Variants in DLC1 observed in about 807,000 individuals in gnomAD.
DLC1 encodes DLC1 Rho GTPase activating protein, also known as rho GTPase-activating protein 7.
Under a neutral mutation model 140.3 loss-of-function variants are expected in DLC1, and 54 were observed. The observed-to-expected ratio is 0.38, with a 90% CI of 0.31 to 0.48. DLC1 has a LOEUF of 0.48. Among genes scored for constraint, DLC1 ranks in the 20% least tolerant of loss-of-function variants. The pLI, the probability that DLC1 is intolerant of heterozygous loss-of-function variation, is 0.96. For missense variants in DLC1, 2,536 were observed against 1,907.0 expected (o/e 1.33, Z -6.14); for synonymous variants, 986 against 728.1 (o/e 1.35, Z -5.70).
chr8:13,588,456 T>G (rs1233477091), intron 1 of DLC1, among the ~76,000 whole-genome samples: 2 of 151,978 alleles, frequency 1.3e-5, no homozygotes, highest in African/African-American at 4.8e-5. Context: ...GATAAAAACT[T>G]AGGAGGCAGC....
At chr8:13,491,275 C>T (rs539213218) in intron 2 of DLC1, among the ~76,000 whole-genome samples, 2 of 151,858 alleles carry the variant, frequency 1.3e-5, no homozygotes, top group Non-Finnish European at 2.9e-5. Context: ...ATTTGTCTTT[C>T]AATCTCTTAT....
chr8:13,138,739 T>G (rs1192851415), intron 5 of DLC1, among the ~76,000 whole-genome samples: 1 of 152,310 alleles, frequency 6.6e-6, no homozygotes, highest in Non-Finnish European at 1.5e-5. Flanking sequence ...CCAATCTGGG[T>G]TCTCCCCCTA....
chr8:13,549,529 A>G (rs1803774138), intron 1 of DLC1, among the ~76,000 whole-genome samples: 1 of 152,174 alleles, frequency 6.6e-6, no homozygotes, highest in Admixed American at 6.6e-5. Context: ...ACACAGAAAC[A>G]TTGCTGTGTA....
rs955417377 is a variant in DLC1, at chr8:13,121,860, C to T, written c.1349-6203G>A. Among the ~76,000 whole-genome samples, 3 of 152,080 alleles carry T rather than the reference C, an allele frequency of 2.0e-5. 1 individual carries two copies. The highest frequency in any genetic ancestry group is 2.0e-4 in the Admixed American group (3 of 15,260). ...GAACCACCCGTGCCTGGCCAGGGAG[C>T]TTTTTAAAAACACCGACCATCCCCT... On this transcript the variant is annotated intron_variant, in intron 5 of 17. Coordinates refer to ENST00000276297, the MANE Select transcript of DLC1 (RefSeq NM_182643.3).
intron 1 of DLC1, chr8:13,558,469 T>G (rs1213726729): frequency 6.6e-6 from 1 of 152,194 alleles, no homozygotes; most frequent in Non-Finnish European, 1.5e-5. Flanking sequence ...ATTTTTTCAT[T>G]TAAAAATTTA....
intron 1 of DLC1, among the ~76,000 whole-genome samples, chr8:13,596,381 C>A (rs1397005639): frequency 2.0e-5 from 3 of 151,970 alleles, no homozygotes; most frequent in African/African-American, 7.2e-5. Flanking sequence ...CTTGAAGAAA[C>A]AGACTTCAGC....
intron 4 of DLC1, among the ~76,000 whole-genome samples, chr8:13,371,692 C>T (rs1021683726): frequency 2.6e-5 from 4 of 151,968 alleles, no homozygotes; most frequent in African/African-American, 9.7e-5. Context: ...TTGTGTAACA[C>T]CTTCAGCTAA....
At chr8:13,471,203 A>T (rs566415685) in intron 2 of DLC1, among the ~76,000 whole-genome samples, 1 of 151,784 alleles carries the variant, frequency 6.6e-6, no homozygotes, top group South Asian at 2.1e-4. Context: ...ATTAGTCTGG[A>T]TGGATACTAT....
At chr8:13,133,077 G>A (rs1822258127) in intron 5 of DLC1, 2 of 1,535,286 alleles carry the variant, frequency 1.3e-6, no homozygotes, top group Admixed American at 2.0e-5. Context: ...CACCCGAGAC[G>A]CGCGCCCTCG....
At chr8:13,120,356 A>AAAAAAAAAAAAAATATATATATATATAT in intron 5 of DLC1, among the ~76,000 whole-genome samples, 4 of 61,130 alleles carry the variant, frequency 6.5e-5, no homozygotes, top group East Asian at 7.2e-4. Flanking sequence ...AAAAAAAAAA[A>AAAAAAAAAAAAAATATATATATATATAT]ATATATATAT....
At chr8:13,100,904 GTTTTTTTT>G in intron 8 of DLC1, 134 bp from the exon 9 acceptor site, 1 of 590,458 alleles carries the variant, frequency 1.7e-6, no homozygotes, top group African/African-American at 2.1e-5. Flanking sequence ...TAATTTTAAA[GTTTTTTTT>G]TTTTTTTTTT....
intron 1 of DLC1, among the ~76,000 whole-genome samples, chr8:13,576,958 G>A (rs765304336): frequency 3.9e-5 from 6 of 151,908 alleles, no homozygotes; most frequent in Admixed American, 6.5e-5. Flanking sequence ...AGTGCTTACC[G>A]AGGAACATAT....
chr8:13,203,856 C>T (rs1585904302), intron 5 of DLC1, among the ~76,000 whole-genome samples: 1 of 152,094 alleles, frequency 6.6e-6, no homozygotes, highest in South Asian at 2.1e-4. Context: ...CTAGTTTAAC[C>T]TTAATTTTAG....
chr8:13,364,306 T>G (rs1835382139), intron 4 of DLC1, among the ~76,000 whole-genome samples: 1 of 152,040 alleles, frequency 6.6e-6, no homozygotes, highest in Non-Finnish European at 1.5e-5. Flanking sequence ...GAAACTTTTT[T>G]TTTTTTTTTT....
chr8:13,332,917 G>A lies in DLC1; in HGVS notation c.1315-27615C>T, dbSNP rs542462161. 3.5e-4 allele frequency among the ~76,000 whole-genome samples: 53 copies of A among 151,736 alleles called. 1 individual carries two copies. In the South Asian group the frequency reaches 7.5e-3, roughly 22 times the overall value. ...AAATAGATTCTTAAGAGTGGTTCTC[G>A]GATGCCAAAATCTCCTGCCCAAAGG... On this transcript the variant is annotated intron_variant, in intron 4 of 17. Coordinates refer to ENST00000276297, the MANE Select transcript of DLC1 (RefSeq NM_182643.3).
intron 10 of DLC1, among the ~76,000 whole-genome samples, chr8:13,097,249 T>TTTTTTATTA (rs1554570268): frequency 6.8e-6 from 1 of 147,006 alleles, no homozygotes; most frequent in African/African-American, 2.5e-5. Flanking sequence ...CACATCCAAA[T>TTTTTTATTA]TTATTATTAT....
At chr8:13,513,048 C>T (rs1027665138) in intron 1 of DLC1, among the ~76,000 whole-genome samples, 1 of 148,976 alleles carries the variant, frequency 6.7e-6, no homozygotes, top group Admixed American at 6.7e-5. Context: ...GTTCATACTT[C>T]ATTATGCATA....
chr8:13,503,143 G>A (rs1012721763), intron 1 of DLC1, among the ~76,000 whole-genome samples: 4 of 152,162 alleles, frequency 2.6e-5, no homozygotes, highest in African/African-American at 4.8e-5. Context: ...GATGGCTCAC[G>A]CCTGTAATCC....
chr8:13,105,202 AC>A (rs919784360), intron 7 of DLC1, among the ~76,000 whole-genome samples: 74 of 152,310 alleles, frequency 4.9e-4, no homozygotes, highest in African/African-American at 1.8e-3. Context: ...GGTCAACATT[AC>A]CTTTTTATGT....
Sources: gnomAD v4.1 joint callset for allele counts (sites outside exome capture counted in the v4.1 genomes callset) on GRCh38, gnomAD v4.1.1 for gene constraint, MANE v1.5 for transcripts, NCBI Gene and HGNC (gene_info 2026-07-23, HGNC 2026-07-21) for gene names.